ACYP2: variants seen among roughly 807,000 people sequenced by gnomAD.
ACYP2 encodes the protein acylphosphatase-2.
In ACYP2, 12 loss-of-function variants were observed where a neutral mutation model predicts 11.2. The ratio of observed to expected loss-of-function variants is 1.08; its 90% CI spans 0.69 to 1.74. The LOEUF is 1.74. ACYP2 is among the 40% of genes most tolerant of loss of function. ACYP2 has a pLI of 0.00. For missense variants in ACYP2, 134 were observed against 101.9 expected (o/e 1.31, Z -1.35); for synonymous variants, 43 against 32.2 (o/e 1.33, Z -1.13).
chr2:54,009,101 C>T (rs960582428), intron 2 of ACYP2, among the ~76,000 whole-genome samples: 2 of 150,630 alleles, frequency 1.3e-5, no homozygotes, highest in African/African-American at 4.9e-5. Flanking sequence ...TGCAGTGAGC[C>T]AAGACTGTGC....
chr2:54,274,780 G>A (rs1688475067), intron 6 of ACYP2, among the ~76,000 whole-genome samples: 1 of 152,016 alleles, frequency 6.6e-6, no homozygotes, highest in African/African-American at 2.4e-5. Context: ...AGAGCCATAG[G>A]GAATCAAAAT....
intron 6 of ACYP2, among the ~76,000 whole-genome samples, chr2:54,250,186 A>G (rs1236013981): frequency 2.6e-5 from 4 of 152,166 alleles, no homozygotes; most frequent in South Asian, 4.1e-4. Flanking sequence ...TACTTTAAGT[A>G]TCTTCTATCT....
At chr2:54,267,695 G>T (rs1688099425) in intron 6 of ACYP2, among the ~76,000 whole-genome samples, 1 of 152,172 alleles carries the variant, frequency 6.6e-6, no homozygotes, top group South Asian at 2.1e-4. Context: ...TTTCTGAAGA[G>T]GAGCCAATAG....
At chr2:54,211,623 G>T (rs1685333881) in intron 6 of ACYP2, among the ~76,000 whole-genome samples, 2 of 151,866 alleles carry the variant, frequency 1.3e-5, no homozygotes, top group African/African-American at 4.8e-5. Context: ...ATTTTACTTT[G>T]GAAACTATGA....
chr2:54,276,308 T>C (rs898637917), intron 6 of ACYP2, among the ~76,000 whole-genome samples: 2 of 152,156 alleles, frequency 1.3e-5, no homozygotes, highest in Non-Finnish European at 2.9e-5. Context: ...CTCCATGTTG[T>C]TAGTGTAGGT....
At chr2:54,180,872 A>G (rs371832339) in intron 6 of ACYP2, among the ~76,000 whole-genome samples, 7 of 152,148 alleles carry the variant, frequency 4.6e-5, no homozygotes, top group Admixed American at 1.3e-4. Flanking sequence ...ATATTTGTTA[A>G]TATCACAGAC....
At chr2:54,187,909 G>C (rs1684076162) in intron 6 of ACYP2, among the ~76,000 whole-genome samples, 1 of 152,180 alleles carries the variant, frequency 6.6e-6, no homozygotes, top group Non-Finnish European at 1.5e-5. Context: ...CTATGAAAAG[G>C]GTGTGTGGGA....
intron 2 of ACYP2, among the ~76,000 whole-genome samples, chr2:53,979,992 G>A (rs988421540): frequency 9.2e-5 from 14 of 151,960 alleles, no homozygotes; most frequent in Non-Finnish European, 1.6e-4. Flanking sequence ...ACACCTGGCC[G>A]AATGTGTTTG....
chr2:53,973,965 G>T (rs1671333436), intron 2 of ACYP2, among the ~76,000 whole-genome samples: 1 of 141,662 alleles, frequency 7.1e-6, no homozygotes, highest in Non-Finnish European at 1.5e-5. Flanking sequence ...GGAGTGCAAT[G>T]GATCCATCTC....
At chr2:54,283,261 T>C (rs1688925321) in intron 6 of ACYP2, among the ~76,000 whole-genome samples, 1 of 152,186 alleles carries the variant, frequency 6.6e-6, no homozygotes, top group South Asian at 2.1e-4. Context: ...GTGACTAGGA[T>C]TATAACCTTT....
At chr2:54,119,805 C>T (rs1455091551) in intron 4 of ACYP2, among the ~76,000 whole-genome samples, 1 of 151,980 alleles carries the variant, frequency 6.6e-6, no homozygotes, top group East Asian at 1.9e-4. Context: ...TACCTAATGT[C>T]TTTTTTTTGG....
chr2:54,026,554 C>G (rs1225289500), intron 2 of ACYP2, among the ~76,000 whole-genome samples: 1 of 117,540 alleles, frequency 8.5e-6, no homozygotes, highest in African/African-American at 3.2e-5. Flanking sequence ...AATCCCATTA[C>G]TGGGTATCTA....
intron 4 of ACYP2, among the ~76,000 whole-genome samples, chr2:54,072,872 C>T (rs1450892708): frequency 6.6e-6 from 1 of 151,976 alleles, no homozygotes; most frequent in Non-Finnish European, 1.5e-5. Flanking sequence ...CCCCAGCTAC[C>T]TTTTTTAAAA....
At chr2:54,207,664 G>A (rs1249061141) in intron 6 of ACYP2, among the ~76,000 whole-genome samples, 1 of 152,060 alleles carries the variant, frequency 6.6e-6, no homozygotes, top group Non-Finnish European at 1.5e-5. Flanking sequence ...TACTAACTTG[G>A]ATTCAATATT....
intron 6 of ACYP2, among the ~76,000 whole-genome samples, chr2:54,165,103 G>A (rs1412992183): frequency 6.6e-6 from 1 of 151,888 alleles, no homozygotes; most frequent in East Asian, 1.9e-4. Flanking sequence ...TTTTTATCCA[G>A]TCTCTTATTG....
intron 4 of ACYP2, among the ~76,000 whole-genome samples, chr2:54,117,091 C>T (rs534417244): frequency 7.9e-5 from 12 of 152,070 alleles, no homozygotes; most frequent in East Asian, 1.9e-4. Context: ...GACTTTAGAG[C>T]GCAAAGAACC....
intron 2 of ACYP2, among the ~76,000 whole-genome samples, chr2:53,989,212 G>A (rs7569370): frequency 0.6 from 90,456 of 151,314 alleles, 28,227 homozygotes; most frequent in African/African-American, 0.78. Context: ...GTGATCTACT[G>A]TGAGCCAATA....
At position 54,103,498 on chromosome 2, in the gene ACYP2, T is replaced by C. The variant is rs547204421; in HGVS notation, c.278-31955T>C. The stretch of plus-strand genomic sequence containing the variant: ...TTGCTTCCTAACTTTGTTATTTACA[T>C]TTTTATTCAAGATTACTGTTTTAAA... On this transcript the variant is annotated intron_variant, in intron 4 of 6. Coordinates refer to ENST00000607452, the MANE Select transcript of ACYP2 (RefSeq NM_001320586.2). Among the ~76,000 whole-genome samples, 69 of 152,328 alleles carry C rather than the reference T, an allele frequency of 4.5e-4. 1 individual carries two copies. The South Asian group carries it at 0.014, about 30-fold the overall frequency.
intron 4 of ACYP2, among the ~76,000 whole-genome samples, chr2:54,114,380 C>CAAAAAAAAAA (rs58390248): frequency 1.9e-5 from 2 of 104,398 alleles, no homozygotes; most frequent in African/African-American, 3.6e-5. Flanking sequence ...TCAAGACAAT[C>CAAAAAAAAAA]AAAAAAAAAA....
Sources: gnomAD v4.1 joint callset for allele counts (sites outside exome capture counted in the v4.1 genomes callset) on GRCh38, gnomAD v4.1.1 for gene constraint, MANE v1.5 for transcripts, NCBI Gene and HGNC (gene_info 2026-07-23, HGNC 2026-07-21) for gene names.